Variants in NPAS3 observed in about 807,000 individuals in gnomAD.
The protein encoded by NPAS3 is neuronal PAS domain-containing protein 3.
NPAS3 carries 14 observed loss-of-function variants against 73.1 expected under a neutral mutation model. That is an observed-to-expected ratio of 0.19 (90% CI 0.13 to 0.30). NPAS3 has a LOEUF of 0.30. Among genes scored for constraint, NPAS3 ranks in the 10% least tolerant of loss-of-function variants. The probability of loss-of-function intolerance (pLI) is 1.00; values close to 1 mark genes in which losing one functional copy is unlikely to be tolerated. For missense variants in NPAS3, 1,096 were observed against 1,250.0 expected (o/e 0.88, Z 1.86); for synonymous variants, 620 against 541.5 (o/e 1.14, Z -2.01).
intron 4 of NPAS3, among the ~76,000 whole-genome samples, chr14:33,518,595 T>TTTG (rs2053414536): frequency 6.7e-6 from 1 of 149,312 alleles, no homozygotes; most frequent in Admixed American, 6.7e-5. Context: ...ATCAAGGATT[T>TTTG]TTTTTTTTTT....
chr14:33,711,816 C>T (rs1313879993), intron 6 of NPAS3, among the ~76,000 whole-genome samples: 8 of 152,100 alleles, frequency 5.3e-5, no homozygotes, highest in Admixed American at 1.3e-4. Context: ...AGGGCAGTAA[C>T]GTTCCCATAG....
At chr14:32,973,696 C>T (rs1464143526) in intron 1 of NPAS3, among the ~76,000 whole-genome samples, 2 of 151,798 alleles carry the variant, frequency 1.3e-5, no homozygotes, top group African/African-American at 2.4e-5. Context: ...CTACCACGCC[C>T]GGATAATTTT....
At chr14:33,470,352 A>G (rs905951759) in intron 4 of NPAS3, among the ~76,000 whole-genome samples, 1 of 152,198 alleles carries the variant, frequency 6.6e-6, no homozygotes, top group Non-Finnish European at 1.5e-5. Flanking sequence ...GGAAAACACA[A>G]TCTTCCAGAG....
At chr14:33,441,819 T>C (rs1594913814) in intron 4 of NPAS3, among the ~76,000 whole-genome samples, 2 of 152,036 alleles carry the variant, frequency 1.3e-5, no homozygotes, top group African/African-American at 4.8e-5. Context: ...TGGTGGCAGG[T>C]AAGAGCACCA....
intron 7 of NPAS3, among the ~76,000 whole-genome samples, chr14:33,739,853 T>C (rs2061612595): frequency 6.6e-6 from 1 of 152,146 alleles, no homozygotes; most frequent in Non-Finnish European, 1.5e-5. Context: ...CATTTCTCCC[T>C]CCCATTTATC....
intron 3 of NPAS3, among the ~76,000 whole-genome samples, chr14:33,354,966 C>G (rs946150881): frequency 1.3e-5 from 2 of 152,186 alleles, no homozygotes; most frequent in African/African-American, 4.8e-5. Flanking sequence ...ATATAGCACA[C>G]ACACGTGCTC....
intron 1 of NPAS3, among the ~76,000 whole-genome samples, chr14:33,002,917 G>A (rs2038861114): frequency 6.6e-6 from 1 of 152,088 alleles, no homozygotes; most frequent in Non-Finnish European, 1.5e-5. Flanking sequence ...TTGTGACCTT[G>A]GGCAAGTCAT....
rs1023642299 is a variant in NPAS3, at chr14:32,955,159, G to A, written c.50+15793G>A. 2.0e-5 allele frequency among the ~76,000 whole-genome samples: 3 copies of A among 152,034 alleles called. No homozygotes were observed. The East Asian group carries it at 5.8e-4, about 29-fold the overall frequency. On this transcript the variant is annotated intron_variant, in intron 1 of 11. Transcript: ENST00000356141. ...AACTCAGATTCAATTTTAAAATTAA[G>A]CATTCACCTGCAATCAATGTCCAAT...
chr14:33,155,935 T>C (rs1370558557), intron 2 of NPAS3, among the ~76,000 whole-genome samples: 2 of 152,228 alleles, frequency 1.3e-5, no homozygotes, highest in Non-Finnish European at 2.9e-5. Context: ...TGTCAATTTA[T>C]TCATTAATTT....
chr14:33,543,816 A>G (rs907837655), intron 4 of NPAS3, among the ~76,000 whole-genome samples: 30 of 152,056 alleles, frequency 2.0e-4, no homozygotes, highest in African/African-American at 7.2e-4. Flanking sequence ...TTGATATCAA[A>G]AACTCAAGAA....
At chr14:33,453,725 T>C (rs1379808132) in intron 4 of NPAS3, among the ~76,000 whole-genome samples, 3 of 152,226 alleles carry the variant, frequency 2.0e-5, no homozygotes, top group Non-Finnish European at 2.9e-5. Flanking sequence ...TACTTTTGCA[T>C]TGTTGACCTA....
intron 2 of NPAS3, among the ~76,000 whole-genome samples, chr14:33,113,297 T>G (rs1011792963): frequency 2.6e-5 from 4 of 152,216 alleles, no homozygotes; most frequent in African/African-American, 9.6e-5. Flanking sequence ...TTCCTACCCA[T>G]GAGCATGGAA....
At chr14:33,334,003 G>T (rs1051120594) in intron 3 of NPAS3, among the ~76,000 whole-genome samples, 1 of 152,008 alleles carries the variant, frequency 6.6e-6, no homozygotes, top group Non-Finnish European at 1.5e-5. Flanking sequence ...AGAAATCTTA[G>T]GTAGATTATA....
intron 5 of NPAS3, among the ~76,000 whole-genome samples, chr14:33,607,739 C>T (rs1422857695): frequency 6.6e-6 from 1 of 152,124 alleles, no homozygotes; most frequent in African/African-American, 2.4e-5. Context: ...TAAAGACATA[C>T]CTGAGACTGG....
At chr14:33,617,904 TAAAG>T (rs1567058662) in intron 5 of NPAS3, among the ~76,000 whole-genome samples, 1 of 151,276 alleles carries the variant, frequency 6.6e-6, no homozygotes, top group Non-Finnish European at 1.5e-5. Flanking sequence ...ACTGAGCAGT[TAAAG>T]AAAAAAAAAA....
At chr14:33,666,756 T>TA (rs1230141583) in intron 5 of NPAS3, among the ~76,000 whole-genome samples, 2 of 152,254 alleles carry the variant, frequency 1.3e-5, no homozygotes, top group Non-Finnish European at 2.9e-5. Flanking sequence ...AATTAATTCC[T>TA]AAAATCCCAA....
At chr14:33,750,701 A>G (rs1566498421) in intron 7 of NPAS3, among the ~76,000 whole-genome samples, 1 of 152,208 alleles carries the variant, frequency 6.6e-6, no homozygotes, top group Non-Finnish European at 1.5e-5. Flanking sequence ...GTCAATACTG[A>G]TTGTGTACCT....
intron 5 of NPAS3, among the ~76,000 whole-genome samples, chr14:33,645,314 G>T (rs1253842094): frequency 6.6e-6 from 1 of 152,010 alleles, no homozygotes; most frequent in Non-Finnish European, 1.5e-5. Context: ...TCTGGGGGTG[G>T]GATTCCAGAA....
chr14:33,223,918 G>A (rs1031562594), intron 3 of NPAS3, among the ~76,000 whole-genome samples: 5 of 151,928 alleles, frequency 3.3e-5, no homozygotes, highest in African/African-American at 1.2e-4. Flanking sequence ...GAGTAAGATA[G>A]CACATAATGA....
Sources: allele counts gnomAD v4.1 joint callset (sites outside exome capture counted in the v4.1 genomes callset), GRCh38; gene constraint gnomAD v4.1.1; transcripts MANE v1.5; gene names NCBI Gene and HGNC (gene_info 2026-07-23, HGNC 2026-07-21).